ALMS1: variants seen among roughly 807,000 people sequenced by gnomAD.
The protein encoded by ALMS1 is centrosome-associated protein ALMS1.
Under a neutral mutation model 352.2 loss-of-function variants are expected in ALMS1, and 271 were observed. The ratio of observed to expected loss-of-function variants is 0.77; its 90% CI spans 0.70 to 0.85. The LOEUF (loss-of-function observed/expected upper bound fraction) is 0.85, where lower values mean the gene tolerates loss of function less well. Ranked by LOEUF, ALMS1 falls within the 40% of genes least tolerant of loss-of-function variation. ALMS1 has a pLI of 0.00. For synonymous variants in ALMS1, 1,865 were observed against 1,761.2 expected, an observed-to-expected ratio of 1.06 and a Z score of -1.48; for missense variants, 5,445 against 4,870.7, an observed-to-expected ratio of 1.12 and a Z score of -3.51.
intron 9 of ALMS1, among the ~76,000 whole-genome samples, chr2:73,486,798 C>T (rs1427690940): frequency 6.6e-6 from 1 of 152,192 alleles, no homozygotes; most frequent in Non-Finnish European, 1.5e-5. Context: ...CCTGTAATCC[C>T]AGCACTTTGG....
chr2:73,558,933 A>T (rs765868483), intron 14 of ALMS1, 39 bp from the exon 15 acceptor site: 3 of 1,608,794 alleles, frequency 1.9e-6, no homozygotes, highest in South Asian at 2.2e-5. Flanking sequence ...TTTTATGTCA[A>T]GTTCCTGTCT....
At chr2:73,513,809 TG>T (rs968451871) in intron 10 of ALMS1, among the ~76,000 whole-genome samples, 1 of 152,130 alleles carries the variant, frequency 6.6e-6, no homozygotes, top group African/African-American at 2.4e-5. Flanking sequence ...CTGCAGAGAC[TG>T]TCTTCTTGCC....
intron 9 of ALMS1, among the ~76,000 whole-genome samples, chr2:73,468,310 ACT>A (rs34676403): frequency 0.044 from 6,658 of 151,978 alleles, 362 homozygotes; most frequent in African/African-American, 0.11. Context: ...TATTAATAAG[ACT>A]CTATATCCAC....
At chr2:73,543,816 T>TA (rs1183762194) in intron 12 of ALMS1, among the ~76,000 whole-genome samples, 2 of 152,168 alleles carry the variant, frequency 1.3e-5, no homozygotes, top group East Asian at 1.9e-4. Context: ...CACAATGAGA[T>TA]ACCATCTTAC....
At chr2:73,389,799 C>A (rs942787491) in intron 1 of ALMS1, among the ~76,000 whole-genome samples, 6 of 152,216 alleles carry the variant, frequency 3.9e-5, no homozygotes, top group South Asian at 2.1e-4. Flanking sequence ...AAGCAATTCT[C>A]CTGCCTCAGC....
chr2:73,499,534 C>T (rs1001961221), intron 10 of ALMS1, among the ~76,000 whole-genome samples: 5 of 152,090 alleles, frequency 3.3e-5, no homozygotes, highest in Admixed American at 6.6e-5. Context: ...TTGTATATGG[C>T]GAAAGATATA....
At chr2:73,396,076 C>A (rs1300372730) in intron 1 of ALMS1, among the ~76,000 whole-genome samples, 1 of 152,160 alleles carries the variant, frequency 6.6e-6, no homozygotes, top group Admixed American at 6.6e-5. Context: ...AGAAAGCATC[C>A]TGTCTTTTAC....
Position 73,554,480 on chromosome 2 carries a change from T to C in ALMS1, c.10079-2740T>C, listed in dbSNP as rs190510570. Among the ~76,000 whole-genome samples, 1,212 of 149,984 alleles carry C rather than the reference T, an allele frequency of 8.1e-3. 14 individuals are homozygous for C. Among genetic ancestry groups the C allele is most frequent in the African/African-American group, 0.029 (1,162 of 40,740 alleles). ...CAGCAGTTTGGGGGGCCAAGGCGGG[T>C]GGATCACGAGGTCAGGAGATCGAGA... On this transcript the variant is annotated intron_variant, in intron 13 of 22. Transcript: ENST00000613296.
In ALMS1 at chr2:73,491,301, A is replaced by T. The variant is rs759935236; in HGVS notation, c.9342A>T (p.Leu3114Phe). ...CTGTAGCACAGGATCAAGAATCTTT[A>T]GGTTTTCTAGGACCTAAATCTTCAC... ...SKPVAQDQES[L>F]GFLGPKSSLD... Residue 3114 changes from leucine to phenylalanine, a missense_variant, in exon 10 of 23, where the codon TTA becomes TTT. By Grantham distance (22) the Leu-to-Phe change is conservative. Coordinates refer to ENST00000613296, the MANE Select transcript of ALMS1 (RefSeq NM_001378454.1). The T allele has an allele frequency of 6.2e-7, 1 of 1,614,210 alleles. No homozygotes were observed. Among genetic ancestry groups the T allele is most frequent in the Non-Finnish European group, 8.5e-7 (1 of 1,180,028 alleles).
At chr2:73,506,386 C>A (rs1245054867) in intron 10 of ALMS1, among the ~76,000 whole-genome samples, 3 of 152,128 alleles carry the variant, frequency 2.0e-5, no homozygotes, top group Non-Finnish European at 4.4e-5. Context: ...GACAGTATGG[C>A]CATTTCACAA....
chr2:73,601,818 C>T (rs1558712144), intron 19 of ALMS1, among the ~76,000 whole-genome samples: 1 of 152,174 alleles, frequency 6.6e-6, no homozygotes. Context: ...TTAAAGGAAA[C>T]CAGGTCTCTT....
intron 7 of ALMS1, among the ~76,000 whole-genome samples, chr2:73,436,481 T>G (rs1671606593): frequency 1.3e-5 from 2 of 152,214 alleles, no homozygotes; most frequent in South Asian, 4.1e-4. Flanking sequence ...TTCTTTCTCT[T>G]TTTTGCCCAG....
intron 9 of ALMS1, among the ~76,000 whole-genome samples, chr2:73,476,505 A>G (rs1402634016): frequency 6.6e-6 from 1 of 151,940 alleles, no homozygotes; most frequent in Non-Finnish European, 1.5e-5. Flanking sequence ...CACTGTTTAC[A>G]TTCCCACCAG....
chr2:73,487,615 G>T (rs1383985163), intron 9 of ALMS1, among the ~76,000 whole-genome samples: 3 of 152,156 alleles, frequency 2.0e-5, no homozygotes, highest in African/African-American at 4.8e-5. Context: ...GCATGTTTCA[G>T]CCCTGTTTGT....
At chr2:73,461,926 A>G (rs1198665596) in intron 9 of ALMS1, among the ~76,000 whole-genome samples, 5 of 152,012 alleles carry the variant, frequency 3.3e-5, no homozygotes, top group African/African-American at 4.8e-5. Context: ...AAAGAAACGA[A>G]CAAAGCCTCC....
In ALMS1 at chr2:73,450,120, C is replaced by T; in HGVS notation, c.3593C>T (p.Pro1198Leu). 6.2e-7 allele frequency: 1 copy of T among 1,614,064 alleles called. No homozygotes were observed. The highest frequency in any genetic ancestry group is 8.5e-7 in the Non-Finnish European group (1 of 1,179,966). ...LSTFYSQREK[P>L]GIFYQQTLPG... is the part of the protein sequence containing the mutation. ...ACCTTCTACTCACAAAGAGAGAAAC[C>T]TGGTATTTTCTATCAACAGACCTTG... is the stretch of plus-strand genomic sequence containing the variant. The change falls in exon 8 of 23, where the codon CCT becomes CTT. Residue 1198 changes from proline (P) to leucine (L), a missense_variant. By Grantham distance (98) the Pro-to-Leu change is moderately conservative. Coordinates refer to ENST00000613296, the MANE Select transcript of ALMS1 (RefSeq NM_001378454.1).
intron 11 of ALMS1, among the ~76,000 whole-genome samples, chr2:73,520,850 G>A (rs1038597940): frequency 6.6e-6 from 1 of 151,894 alleles, no homozygotes; most frequent in African/African-American, 2.4e-5. Context: ...TTCTTTTTTT[G>A]AGTAAGTAGC....
Position 73,451,657 on chromosome 2 carries a change from T to C in ALMS1, c.5130T>C (p.Ser1710=), listed in dbSNP as rs1315869682. The C allele has an allele frequency of 6.2e-7, 1 of 1,614,092 alleles. No individual in the cohort carries two copies. The highest frequency in any genetic ancestry group is 1.1e-5 in the South Asian group (1 of 91,076). The change falls in exon 8 of 23, where the codon AGT becomes AGC. Residue 1710 remains serine, a synonymous_variant. Transcript: ENST00000613296. ...CTGAGACACCATCAGTATCCTCTAG[T>C]TTATACTCATATAGAGAGAAGCCCA... ...QKTETPSVSS[S]LYSYREKPIV...
chr2:73,533,112 T>G (rs1449101941), intron 11 of ALMS1, among the ~76,000 whole-genome samples: 1 of 152,130 alleles, frequency 6.6e-6, no homozygotes, highest in Non-Finnish European at 1.5e-5. Context: ...AAGAGAAAGG[T>G]CTGTTTAATC....
Sources: allele counts gnomAD v4.1 joint callset (sites outside exome capture counted in the v4.1 genomes callset), GRCh38; gene constraint gnomAD v4.1.1; transcripts MANE v1.5; gene names NCBI Gene and HGNC (gene_info 2026-07-23, HGNC 2026-07-21).